Variants in POGLUT2 observed in about 807,000 individuals in gnomAD.
POGLUT2 encodes the protein protein O-glucosyltransferase 2.
POGLUT2 carries 47 observed loss-of-function variants against 57.6 expected under a neutral mutation model. The observed-to-expected ratio is 0.82, with a 90% CI of 0.65 to 1.04. The LOEUF is 1.04. POGLUT2 is among the 50% of genes least tolerant of loss of function. POGLUT2 has a pLI of 0.00. For synonymous variants in POGLUT2, 200 were observed against 218.8 expected, an observed-to-expected ratio of 0.91 and a Z score of 0.76; for missense variants, 565 against 614.8, an observed-to-expected ratio of 0.92 and a Z score of 0.86.
chr13:102,791,836 C>T (rs1824931383), intron 4 of POGLUT2, among the ~76,000 whole-genome samples: 1 of 152,226 alleles, frequency 6.6e-6, no homozygotes, highest in South Asian at 2.1e-4. Context: ...GGAAGCCCAA[C>T]ACCAACAGCA....
intron 8 of POGLUT2, among the ~76,000 whole-genome samples, chr13:102,786,598 C>T (rs538922779): frequency 4.5e-4 from 68 of 151,934 alleles, no homozygotes; most frequent in Non-Finnish European, 6.8e-4. Context: ...TTTTTTTAAC[C>T]GTCTTCTGCC....
At position 102,798,530 on chromosome 13, in the gene POGLUT2, G is replaced by A; in HGVS notation, c.141C>T (p.Ala47=). The change falls in exon 1 of 10, where the codon GCC becomes GCT. Residue 47 remains alanine, a synonymous_variant. Coordinates refer to ENST00000376004, the MANE Select transcript of POGLUT2 (RefSeq NM_024089.3). The part of the protein sequence containing the change: ...PGLKADVVLP[A]RYFYIQAVDT... ...CCACTGCCTGAATATAGAAATAGCG[G>A]GCGGGAAGGACGACGTCTGCTTTTA... The A allele has an allele frequency of 6.2e-7, 1 of 1,612,392 alleles. No homozygotes were observed. The highest frequency in any genetic ancestry group is 8.5e-7 in the Non-Finnish European group (1 of 1,179,190).
intron 6 of POGLUT2, among the ~76,000 whole-genome samples, chr13:102,789,629 G>A (rs144198490): frequency 6.6e-6 from 1 of 152,164 alleles, no homozygotes; most frequent in South Asian, 2.1e-4. Context: ...ACAGAGTCTT[G>A]CTCTGTCACT....
chr13:102,795,909 ATACACTGCTTCCC>A (rs1878359156), intron 2 of POGLUT2, among the ~76,000 whole-genome samples: 1 of 152,106 alleles, frequency 6.6e-6, no homozygotes, highest in Non-Finnish European at 1.5e-5. Flanking sequence ...GCCTTTGTAT[ATACACTGCTTCCC>A]TACTGTCTTG....
At chr13:102,788,141 C>A (rs772533851) in intron 7 of POGLUT2, among the ~76,000 whole-genome samples, 2 of 152,170 alleles carry the variant, frequency 1.3e-5, no homozygotes, top group Non-Finnish European at 2.9e-5. Context: ...CATATTGGAC[C>A]TTCTAGAACT....
At chr13:102,796,706 A>G in intron 2 of POGLUT2, 98 bp downstream of exon 2, 1 of 163,586 alleles carries the variant, frequency 6.1e-6, no homozygotes. Context: ...AAAAATATAT[A>G]TATATATATA....
In POGLUT2 at chr13:102,798,701, G is replaced by T. The variant is rs1205572435; in HGVS notation, c.-31C>A. 1 of 1,553,542 alleles carries T rather than the reference G, an allele frequency of 6.4e-7. No homozygotes were observed. The highest frequency in any genetic ancestry group is 2.3e-5 in the East Asian group (1 of 42,916). The stretch of plus-strand genomic sequence containing the variant: ...AGACGGACTCTCGAAATGATCCACC[G>T]ATAAATGAAGAAGTGTAAGAGGTGG... On this transcript the variant is annotated 5_prime_UTR_variant, in exon 1 of 10. Transcript: ENST00000376004.
intron 4 of POGLUT2, chr13:102,791,959 C>T (rs1595309628): frequency 7.8e-7 from 1 of 1,276,288 alleles, no homozygotes; most frequent in African/African-American, 1.5e-5. Flanking sequence ...TACAAAACAA[C>T]AGATATACAT....
rs1482926346 is a variant in POGLUT2, at chr13:102,787,936, CA to C, written c.1294-14del. 1 of 1,544,946 alleles carries C rather than the reference CA, an allele frequency of 6.5e-7. No homozygotes were observed. The highest frequency in any genetic ancestry group is 1.4e-5 in the African/African-American group (1 of 73,416). On this transcript the variant is annotated splice_polypyrimidine_tract_variant and intron_variant, in intron 7 of 9. Coordinates refer to ENST00000376004, the MANE Select transcript of POGLUT2 (RefSeq NM_024089.3). ...CTATCTTTTTGGCCTACAGGAAGAA[CA>C]ACGACAAAATCCTGTAATAGAATCC...
Position 102,798,768 on chromosome 13 carries a change from C to T in POGLUT2, c.-98G>A. 1 of 1,269,368 alleles carries T rather than the reference C, an allele frequency of 7.9e-7. No homozygotes were observed. Among genetic ancestry groups the T allele is most frequent in the Non-Finnish European group, 1.1e-6 (1 of 946,290 alleles). 78.6% of individuals were successfully genotyped at this position (1,269,368 alleles called of 1,614,324 possible). A position where few individuals can be genotyped will look rare whatever the true frequency, so the allele number is the denominator to read the frequency against. ...CTTCGGCAGGGACCCGCCGGCCGAT[C>T]GCAGCAGCCAACGCGACTGCAAAGG... On this transcript the variant is annotated 5_prime_UTR_variant, in exon 1 of 10. Transcript: ENST00000376004.
Position 102,791,265 on chromosome 13 carries a change from T to C in POGLUT2, c.838A>G (p.Met280Val). ...YDLTDSVLET[M>V]GRVSLDMMSV... ...CCCTGACTTATCTCTCACCGGCCCA[T>C]GGTTTCCAGAACAGAATCAGTCAAA... The change falls in exon 5 of 10, where the codon ATG becomes GTG. Residue 280 changes from methionine to valine, a missense_variant. Physicochemically the swap from Met to Val is conservative, Grantham distance 21. Coordinates refer to ENST00000376004, the MANE Select transcript of POGLUT2 (RefSeq NM_024089.3). 4 of 1,602,514 alleles carry C rather than the reference T, an allele frequency of 2.5e-6. No homozygotes were observed. The highest frequency in any genetic ancestry group is 3.4e-6 in the Non-Finnish European group (4 of 1,175,850).
intron 4 of POGLUT2, among the ~76,000 whole-genome samples, chr13:102,792,903 C>T (rs929872322): frequency 1.3e-5 from 2 of 152,160 alleles, no homozygotes; most frequent in Admixed American, 1.3e-4. Flanking sequence ...AGCGATCTTC[C>T]TGCCTCAGCT....
chr13:102,794,501 A>G (rs1295471664), intron 2 of POGLUT2, among the ~76,000 whole-genome samples: 1 of 152,060 alleles, frequency 6.6e-6, no homozygotes, highest in Non-Finnish European at 1.5e-5. Context: ...ATCTCTACTA[A>G]AAATACAAAA....
intron 6 of POGLUT2, among the ~76,000 whole-genome samples, chr13:102,790,639 T>G (rs868248589): frequency 2.6e-5 from 4 of 152,200 alleles, no homozygotes; most frequent in African/African-American, 9.7e-5. Flanking sequence ...CATGTGCTTA[T>G]CTCAAGGGTT....
chr13:102,787,942 C>CA lies in POGLUT2; in HGVS notation c.1294-20dup, dbSNP rs144543760. On this transcript the variant is annotated intron_variant, in intron 7 of 9. Coordinates refer to ENST00000376004, the MANE Select transcript of POGLUT2 (RefSeq NM_024089.3). Reference sequence around the variant, plus strand: ...TTTTGGCCTACAGGAAGAACAACGACAAAATCCTGTAATAGAATCCATTTT... The same window carrying CA: ...TTTTGGCCTACAGGAAGAACAACGACAAAAATCCTGTAATAGAATCCATTTT... The CA allele has an allele frequency of 2.0e-3, 2,956 of 1,508,618 alleles. 46 individuals carry two copies. The African/African-American group carries it at 0.034, about 17-fold the overall frequency. 93.5% of individuals were successfully genotyped at this position (1,508,618 alleles called of 1,614,324 possible).
chr13:102,793,532 T>C, intron 3 of POGLUT2, 69 bp downstream of exon 3: 1 of 1,427,244 alleles, frequency 7.0e-7, no homozygotes, highest in Non-Finnish European at 9.9e-7. Flanking sequence ...ATTTAGCTAA[T>C]TGTAGCCAAA....
intron 8 of POGLUT2, among the ~76,000 whole-genome samples, chr13:102,787,501 A>G (rs972450437): frequency 9.9e-5 from 15 of 152,230 alleles, no homozygotes; most frequent in Admixed American, 8.5e-4. Flanking sequence ...TGTTTAGACA[A>G]AGAAATGGTA....
Position 102,784,524 on chromosome 13 carries a change from A to C in POGLUT2, c.1492-12T>G. ...AGTTCATCTTTGGTCTGCAATTAAG[A>C]AGCAAAATATTTAGAGCTATCAAGA... is the stretch of plus-strand genomic sequence containing the variant. On this transcript the variant is annotated splice_polypyrimidine_tract_variant and intron_variant, in intron 9 of 9. Transcript: ENST00000376004. The C allele has an allele frequency of 6.7e-7, 1 of 1,499,380 alleles. No homozygotes were observed. Among genetic ancestry groups the C allele is most frequent in the South Asian group, 1.1e-5 (1 of 87,638 alleles). 92.9% of individuals were successfully genotyped at this position (1,499,380 alleles called of 1,614,324 possible).
At chr13:102,795,250 C>CAAAAA (rs58015405) in intron 2 of POGLUT2, among the ~76,000 whole-genome samples, 4 of 42,630 alleles carry the variant, frequency 9.4e-5, no homozygotes, top group African/African-American at 1.6e-4. Flanking sequence ...GACATCGTCT[C>CAAAAA]AAAAAAAAAA....
Sources: gnomAD v4.1 joint callset for allele counts (sites outside exome capture counted in the v4.1 genomes callset) on GRCh38, gnomAD v4.1.1 for gene constraint, MANE v1.5 for transcripts, NCBI Gene and HGNC (gene_info 2026-07-23, HGNC 2026-07-21) for gene names.